Variants in MRPS5 observed in about 807,000 individuals in gnomAD.
MRPS5 encodes small ribosomal subunit protein uS5m.
Under a neutral mutation model 51.9 loss-of-function variants are expected in MRPS5, and 27 were observed. The observed-to-expected ratio is 0.52, with a 90% CI of 0.38 to 0.72. The LOEUF (loss-of-function observed/expected upper bound fraction) is 0.72. Among genes scored for constraint, MRPS5 ranks in the 30% least tolerant of loss-of-function variants. The probability of loss-of-function intolerance (pLI) is 0.00; values close to 1 mark genes in which losing one functional copy is unlikely to be tolerated. For synonymous variants in MRPS5, 196 were observed against 193.2 expected (o/e 1.01, Z -0.12); for missense variants, 570 against 545.7 (o/e 1.04, Z -0.44).
At chr2:95,092,031 C>T (rs1675481150) in intron 10 of MRPS5, 1 of 152,258 alleles carries the variant, frequency 6.6e-6, no homozygotes, top group Non-Finnish European at 1.5e-5. Flanking sequence ...TCCCTCCCTA[C>T]AACACCTACT....
At chr2:95,113,317 A>G (rs1318617105) in intron 3 of MRPS5, among the ~76,000 whole-genome samples, 1 of 151,846 alleles carries the variant, frequency 6.6e-6, no homozygotes, top group Non-Finnish European at 1.5e-5. Flanking sequence ...TCTACTAAAA[A>G]TACAAAAAAT....
intron 2 of MRPS5, among the ~76,000 whole-genome samples, chr2:95,117,285 G>T (rs1216541025): frequency 6.6e-6 from 1 of 151,902 alleles, no homozygotes; most frequent in Non-Finnish European, 1.5e-5. Context: ...TGATGTGTTT[G>T]AGAGATTTTA....
chr2:95,110,150 T>A, intron 3 of MRPS5, 109 bp from the exon 4 acceptor site: 2 of 1,384,902 alleles, frequency 1.4e-6, no homozygotes, highest in Non-Finnish European at 2.0e-6. Context: ...GCTTTACCCA[T>A]GCATCACTGA....
At chr2:95,117,714 G>A in intron 2 of MRPS5, 151 bp downstream of exon 2, 1 of 640,700 alleles carries the variant, frequency 1.6e-6, no homozygotes, top group Non-Finnish European at 2.7e-6. Context: ...TAAAGAATGT[G>A]ATTATTGCAG....
At chr2:95,118,351 T>A (rs1401953618) in intron 1 of MRPS5, among the ~76,000 whole-genome samples, 1 of 152,252 alleles carries the variant, frequency 6.6e-6, no homozygotes, top group Non-Finnish European at 1.5e-5. Context: ...TCTGATAGAT[T>A]ATTCTCTGAC....
intron 8 of MRPS5, 96 bp downstream of exon 8, chr2:95,101,581 G>T: frequency 9.9e-7 from 1 of 1,007,670 alleles, no homozygotes; most frequent in South Asian, 1.7e-5. Context: ...GGAAGGTTCT[G>T]GGACAAATTA....
chr2:95,099,754 T>G (rs2104405811), intron 10 of MRPS5, among the ~76,000 whole-genome samples: 1 of 152,346 alleles, frequency 6.6e-6, no homozygotes, highest in East Asian at 1.9e-4. Context: ...GATTCTGTAT[T>G]TGAGGGTTTT....
chr2:95,102,655 C>T (rs1478581247), intron 7 of MRPS5, among the ~76,000 whole-genome samples: 20 of 152,142 alleles, frequency 1.3e-4, no homozygotes, highest in Admixed American at 1.2e-3. Flanking sequence ...GAGCAAGACC[C>T]TGTCTCAGGA....
At chr2:95,100,992 T>C (rs1675783795) in intron 8 of MRPS5, 98 bp from the exon 9 acceptor site, 3 of 1,068,214 alleles carry the variant, frequency 2.8e-6, no homozygotes. Context: ...TTATCAAAAA[T>C]TCACTTACGC....
chr2:95,121,450 C>T (rs187037748), intron 1 of MRPS5, among the ~76,000 whole-genome samples: 349 of 152,334 alleles, frequency 2.3e-3, no homozygotes, highest in Admixed American at 4.9e-3. Context: ...TGCCAGTTTC[C>T]GCTCCTCTTC....
chr2:95,100,362 T>G (rs1188228072), intron 10 of MRPS5, 112 bp downstream of exon 10: 1 of 721,424 alleles, frequency 1.4e-6, no homozygotes, highest in Non-Finnish European at 2.4e-6. Flanking sequence ...CTTTTACATT[T>G]TGGTGTTTCC....
At chr2:95,089,567 G>A (rs534749255) in intron 11 of MRPS5, among the ~76,000 whole-genome samples, 5 of 152,126 alleles carry the variant, frequency 3.3e-5, no homozygotes, top group Non-Finnish European at 7.4e-5. Context: ...GCCGGGCCCA[G>A]GGCTCCCACC....
chr2:95,104,422 C>T, intron 7 of MRPS5: 1 of 570,986 alleles, frequency 1.8e-6, no homozygotes, highest in Non-Finnish European at 3.2e-6. Flanking sequence ...ATTCCTTTTC[C>T]TCAGAGGAAA....
intron 10 of MRPS5, chr2:95,092,339 G>A (rs1675491690): frequency 6.6e-6 from 1 of 152,178 alleles, no homozygotes; most frequent in African/African-American, 2.4e-5. Flanking sequence ...ATTTCTCTTG[G>A]GAGATTCATA....
At chr2:95,100,939 T>C (rs1255864532) in intron 8 of MRPS5, 45 bp from the exon 9 acceptor site, 2 of 1,498,038 alleles carry the variant, frequency 1.3e-6, no homozygotes, top group Non-Finnish European at 1.8e-6. Context: ...GAAATTTACA[T>C]CTTTTCAAGG....
chr2:95,101,466 C>T (rs1675800604), intron 8 of MRPS5, among the ~76,000 whole-genome samples: 1 of 151,260 alleles, frequency 6.6e-6, no homozygotes, highest in African/African-American at 2.4e-5. Flanking sequence ...TGTCTCATAA[C>T]TTGGCTAGAC....
In MRPS5 at chr2:95,108,182, G is replaced by C; in HGVS notation, c.630C>G (p.Pro210=). Residue 210 remains proline (P), a synonymous_variant, in exon 5 of 12, where the codon CCC becomes CCG. Transcript: ENST00000272418. The part of the protein sequence containing the change: ...GISLGPPDPG[P]CGETYEDFDT... ...AAACCAGGAGTTTGCTACCTCCACA[G>C]GGACCAGGGTCAGGGGGGCCAAGAC... 1 of 1,614,098 alleles carries C rather than the reference G, an allele frequency of 6.2e-7. No individual in the cohort carries two copies. The highest frequency in any genetic ancestry group is 8.5e-7 in the Non-Finnish European group (1 of 1,179,980).
chr2:95,106,837 T>C (rs1011458547), intron 5 of MRPS5: 1 of 283,006 alleles, frequency 3.5e-6, no homozygotes, highest in African/African-American at 2.2e-5. Flanking sequence ...CTTCACCCTT[T>C]GCTCTCTCCA....
intron 11 of MRPS5, among the ~76,000 whole-genome samples, chr2:95,088,468 T>C (rs1345053433): frequency 2.0e-5 from 3 of 152,226 alleles, no homozygotes; most frequent in African/African-American, 7.2e-5. Context: ...TACAATGACA[T>C]ACCTGCTATG....
Sources: allele counts gnomAD v4.1 joint callset (sites outside exome capture counted in the v4.1 genomes callset), GRCh38; gene constraint gnomAD v4.1.1; transcripts MANE v1.5; gene names NCBI Gene and HGNC (gene_info 2026-07-23, HGNC 2026-07-21).